Variants in TNIK observed in about 807,000 individuals in gnomAD.
TNIK encodes the protein TRAF2 and NCK-interacting protein kinase.
A neutral mutation model predicts 191.3 loss-of-function variants in TNIK; 49 were observed. The ratio of observed to expected loss-of-function variants is 0.26; its 90% CI spans 0.20 to 0.32. The LOEUF (loss-of-function observed/expected upper bound fraction) is 0.32. TNIK is among the 10% of genes least tolerant of loss of function. The pLI, the probability that TNIK is intolerant of heterozygous loss-of-function variation, is 1.00. For synonymous variants in TNIK, 594 were observed against 600.9 expected (o/e 0.99, Z 0.17); for missense variants, 1,155 against 1,702.3 (o/e 0.68, Z 5.66).
chr3:171,406,613 C>T (rs1420273035), intron 1 of TNIK, among the ~76,000 whole-genome samples: 1 of 152,096 alleles, frequency 6.6e-6, no homozygotes, highest in Non-Finnish European at 1.5e-5. Context: ...TCTTATTTTT[C>T]TGGTAGAGAC....
chr3:171,199,459 G>A (rs766818747), intron 4 of TNIK, among the ~76,000 whole-genome samples: 6 of 152,192 alleles, frequency 3.9e-5, no homozygotes, highest in Admixed American at 1.3e-4. Context: ...AGTTTATACT[G>A]GGATAATAAT....
At chr3:171,335,208 C>T (rs1756841514) in intron 2 of TNIK, among the ~76,000 whole-genome samples, 1 of 152,096 alleles carries the variant, frequency 6.6e-6, no homozygotes, top group Admixed American at 6.6e-5. Flanking sequence ...TGTTTGCGTG[C>T]AAGAAAATTT....
chr3:171,431,162 G>A (rs539710904), intron 1 of TNIK, among the ~76,000 whole-genome samples: 1 of 152,072 alleles, frequency 6.6e-6, no homozygotes, highest in Admixed American at 6.5e-5. Flanking sequence ...AGCCCAAAAT[G>A]AAAATGTTGT....
At chr3:171,369,768 T>A in intron 1 of TNIK, 83 bp from the exon 2 acceptor site, 2 of 1,120,282 alleles carry the variant, frequency 1.8e-6, no homozygotes, top group Non-Finnish European at 2.6e-6. Context: ...TTATTTAAAT[T>A]AAGCAAATAA....
At chr3:171,211,320 AT>A in intron 3 of TNIK, 79 bp from the exon 4 acceptor site, 1 of 1,479,004 alleles carries the variant, frequency 6.8e-7, no homozygotes, top group Non-Finnish European at 9.0e-7. Flanking sequence ...CACCATCTAA[AT>A]TTTTTCTTGT....
chr3:171,444,245 G>A (rs113490196), intron 1 of TNIK, among the ~76,000 whole-genome samples: 5,033 of 152,298 alleles, frequency 0.033, 118 homozygotes, highest in Non-Finnish European at 0.05. Context: ...CTAGGTAAGA[G>A]ATGCTTACAA....
rs1467642032 is a variant in TNIK, at chr3:171,126,017, T to TGGC, written c.1905_1907dup (p.Pro636dup). The TGGC allele has an allele frequency of 1.2e-6, 2 of 1,613,948 alleles. No individual in the cohort carries two copies. The highest frequency in any genetic ancestry group is 1.7e-6 in the Non-Finnish European group (2 of 1,179,874). On this transcript the variant is annotated inframe_insertion, in exon 17 of 33. Coordinates refer to ENST00000436636, the MANE Select transcript of TNIK (RefSeq NM_015028.4). ...CCGAGGTGGGATCTGAGTTCTGGCG[T>TGGC]GGCATCTCCACGCGGTGGGAGGTCA... is the stretch of plus-strand genomic sequence containing the variant.
At chr3:171,268,622 G>A (rs6444974) in intron 2 of TNIK, among the ~76,000 whole-genome samples, 68,212 of 151,392 alleles carry the variant, frequency 0.45, 15,882 homozygotes, top group African/African-American at 0.5. Context: ...ACCTGAGCAT[G>A]AATTACTTCA....
intron 1 of TNIK, among the ~76,000 whole-genome samples, chr3:171,402,100 A>G (rs1455467281): frequency 6.6e-6 from 1 of 152,258 alleles, no homozygotes; most frequent in Non-Finnish European, 1.5e-5. Flanking sequence ...AGTTTTGAAT[A>G]GCTAGTTGTT....
intron 2 of TNIK, among the ~76,000 whole-genome samples, chr3:171,250,187 A>G (rs1746073501): frequency 6.6e-6 from 1 of 152,180 alleles, no homozygotes; most frequent in Admixed American, 6.5e-5. Flanking sequence ...CTCCCTTCTC[A>G]GAAGTAGCTC....
At chr3:171,071,448 AAGG>A in intron 28 of TNIK, 125 bp from the exon 29 acceptor site, 1 of 755,006 alleles carries the variant, frequency 1.3e-6, no homozygotes, top group Non-Finnish European at 2.1e-6. Flanking sequence ...CAGCTTCATG[AAGG>A]TGATATTCCT....
intron 2 of TNIK, among the ~76,000 whole-genome samples, chr3:171,284,506 A>C (rs921080471): frequency 2.0e-5 from 3 of 152,082 alleles, no homozygotes; most frequent in African/African-American, 7.2e-5. Context: ...AGAACTCCCC[A>C]CATGGTCAGC....
chr3:171,140,219 T>A (rs535953875), intron 13 of TNIK, among the ~76,000 whole-genome samples, 180 bp downstream of exon 13: 1 of 152,296 alleles, frequency 6.6e-6, no homozygotes, highest in East Asian at 1.9e-4. Flanking sequence ...CAAGGCTGAA[T>A]AGGTGGGCAT....
chr3:171,162,202 A>G lies in TNIK; in HGVS notation c.950-866T>C, dbSNP rs898333133. Reference sequence around the variant, plus strand: ...TTTGGGAGGCCAAGGTGGGCGGATCATGAGGTCAGAAGATCGAGACCATCT... The same window carrying G: ...TTTGGGAGGCCAAGGTGGGCGGATCGTGAGGTCAGAAGATCGAGACCATCT... On this transcript the variant is annotated intron_variant, in intron 10 of 32. Transcript: ENST00000436636. Among the ~76,000 whole-genome samples the G allele has an allele frequency of 4.6e-5, 7 of 152,208 alleles. No homozygotes were observed. The East Asian group carries it at 1.4e-3, about 29-fold the overall frequency.
intron 32 of TNIK, 96 bp downstream of exon 32, chr3:171,066,091 G>A: frequency 6.8e-7 from 1 of 1,466,204 alleles, no homozygotes; most frequent in Non-Finnish European, 9.3e-7. Context: ...TAACACAGAT[G>A]TGATTCAAAT....
At chr3:171,306,208 A>C (rs1453290190) in intron 2 of TNIK, among the ~76,000 whole-genome samples, 2 of 152,164 alleles carry the variant, frequency 1.3e-5, no homozygotes, top group East Asian at 3.9e-4. Flanking sequence ...ATTAGGGCCT[A>C]CTTGAGGGAG....
chr3:171,170,799 C>A (rs932298107), intron 9 of TNIK, among the ~76,000 whole-genome samples: 2 of 152,132 alleles, frequency 1.3e-5, no homozygotes, highest in Non-Finnish European at 1.5e-5. Flanking sequence ...ACCTATAATC[C>A]CAGTGCTTTG....
chr3:171,173,796 T>C (rs1348910765), intron 9 of TNIK, among the ~76,000 whole-genome samples: 2 of 152,056 alleles, frequency 1.3e-5, no homozygotes, highest in East Asian at 3.9e-4. Context: ...AAGCCCACTG[T>C]ATACACCAGA....
Position 171,167,121 on chromosome 3 carries a change from C to T in TNIK, c.923G>A (p.Arg308Lys). The T allele has an allele frequency of 1.2e-6, 2 of 1,612,322 alleles. No individual in the cohort carries two copies. The highest frequency in any genetic ancestry group is 2.2e-5 in the South Asian group (2 of 90,418). ...TTTTTCTCCTCGCTTCTTCTTTGTT[C>T]TATCAATATGGTCCTTGAGTTGAAT... ...VRIQLKDHID[R>K]TKKKRGEKDE... Residue 308 changes from arginine (R) to lysine (K), a missense_variant, in exon 10 of 33, where the codon AGA (arginine) becomes AAA (lysine). Physicochemically the swap from Arg to Lys is conservative, Grantham distance 26. This residue lies in a region of TNIK where 225 missense variants were observed against 438.9 expected (regional missense o/e 0.51). Transcript: ENST00000436636.
Sources: allele counts gnomAD v4.1 joint callset (sites outside exome capture counted in the v4.1 genomes callset), GRCh38; gene constraint gnomAD v4.1.1; regional missense constraint gnomAD v4.1.1; transcripts MANE v1.5; gene names NCBI Gene and HGNC (gene_info 2026-07-23, HGNC 2026-07-21).